The following CREB3L2 variants were observed in gnomAD, a reference collection of about 807,000 sequenced individuals.
The protein encoded by CREB3L2 is cyclic AMP-responsive element-binding protein 3-like protein 2.
In CREB3L2, 23 loss-of-function variants were observed where a neutral mutation model predicts 57.2. That is an observed-to-expected ratio of 0.40 (90% CI 0.29 to 0.57). The LOEUF is 0.57. Among genes scored for constraint, CREB3L2 ranks in the 20% least tolerant of loss-of-function variants. The pLI, the probability that CREB3L2 is intolerant of heterozygous loss-of-function variation, is 0.42. For synonymous variants in CREB3L2, 268 were observed against 265.1 expected (o/e 1.01, Z -0.11); for missense variants, 628 against 634.7 (o/e 0.99, Z 0.11).
At chr7:137,909,414 C>G (rs73729518) in intron 4 of CREB3L2, among the ~76,000 whole-genome samples, 12 of 152,148 alleles carry the variant, frequency 7.9e-5, no homozygotes, top group Non-Finnish European at 1.5e-4. Context: ...CAGGCTTCCA[C>G]GTGAATGAAA....
At chr7:137,904,481 C>A (rs1433199076) in intron 6 of CREB3L2, among the ~76,000 whole-genome samples, 1 of 152,170 alleles carries the variant, frequency 6.6e-6, no homozygotes, top group African/African-American at 2.4e-5. Context: ...GCCTGGGCAA[C>A]ATGGTAAAAC....
intron 1 of CREB3L2, among the ~76,000 whole-genome samples, chr7:137,930,441 C>A (rs1800591089): frequency 6.6e-6 from 1 of 152,218 alleles, no homozygotes; most frequent in South Asian, 2.1e-4. Flanking sequence ...CACCACCAAA[C>A]TGAAGTGTCA....
intron 8 of CREB3L2, among the ~76,000 whole-genome samples, chr7:137,899,096 A>AAG (rs1799690655): frequency 1.2e-5 from 1 of 83,776 alleles, no homozygotes; most frequent in Non-Finnish European, 2.2e-5. Context: ...AAAAGGAAAG[A>AAG]GAAGGAAGGA....
At chr7:137,987,428 G>A (rs1388755223) in intron 1 of CREB3L2, among the ~76,000 whole-genome samples, 14 of 152,150 alleles carry the variant, frequency 9.2e-5, no homozygotes, top group Admixed American at 7.2e-4. Flanking sequence ...TACAGTCTTC[G>A]GTGTTCAAGG....
In CREB3L2 at chr7:137,952,185, A is replaced by G. The variant is rs142446732; in HGVS notation, c.103-23819T>C. 8.5e-3 allele frequency among the ~76,000 whole-genome samples: 1,298 copies of G among 152,278 alleles called. 14 individuals are homozygous for G. Among genetic ancestry groups the G allele is most frequent in the African/African-American group, 0.028 (1,147 of 41,558 alleles). On this transcript the variant is annotated intron_variant, in intron 1 of 11. Coordinates refer to ENST00000330387, the MANE Select transcript of CREB3L2 (RefSeq NM_194071.4). Reference sequence around the variant, plus strand: ...CCTTATTGTCAAGTATATGACTAATACCCTGTTCAGCAGCCCTACAAAAAG... The same window carrying G: ...CCTTATTGTCAAGTATATGACTAATGCCCTGTTCAGCAGCCCTACAAAAAG...
intron 1 of CREB3L2, among the ~76,000 whole-genome samples, chr7:137,971,635 T>C (rs1801509477): frequency 6.6e-6 from 1 of 151,606 alleles, no homozygotes; most frequent in South Asian, 2.1e-4. Context: ...TAAATAACCT[T>C]ATCATAAGTT....
At chr7:137,961,975 T>C (rs1465931818) in intron 1 of CREB3L2, among the ~76,000 whole-genome samples, 1 of 152,076 alleles carries the variant, frequency 6.6e-6, no homozygotes, top group African/African-American at 2.4e-5. Context: ...CCCCTGTGTC[T>C]CCATGAACCC....
intron 1 of CREB3L2, among the ~76,000 whole-genome samples, chr7:137,976,625 T>A (rs887352773): frequency 6.6e-6 from 1 of 152,196 alleles, no homozygotes; most frequent in Non-Finnish European, 1.5e-5. Flanking sequence ...CCCACTTTAT[T>A]TTTTATGCAT....
rs1222340261 is a variant in CREB3L2, at chr7:137,915,943, A to G, written c.389T>C (p.Val130Ala). Residue 130 changes from valine to alanine, a missense_variant, in exon 3 of 12, where the codon GTT becomes GCT. By Grantham distance (64) the Val-to-Ala change is moderately conservative. This residue lies in a region of CREB3L2 where 339 missense variants were observed against 355.4 expected (regional missense o/e 0.95). Coordinates refer to ENST00000330387, the MANE Select transcript of CREB3L2 (RefSeq NM_194071.4). Reference protein sequence around the residue: ...FPSTSIKTEPVTDEPPPGLVP... With the variant: ...FPSTSIKTEPATDEPPPGLVP... ...GAGTCCTGGGGGTGGTTCGTCTGTA[A>G]CTGGCTCTGTCTTGATGGATGTTGA... is the stretch of plus-strand genomic sequence containing the variant. 2 of 1,613,998 alleles carry G rather than the reference A, an allele frequency of 1.2e-6. No homozygotes were observed. The highest frequency in any genetic ancestry group is 1.7e-6 in the Non-Finnish European group (2 of 1,179,994).
At chr7:137,983,967 C>T (rs997427909) in intron 1 of CREB3L2, among the ~76,000 whole-genome samples, 11 of 152,316 alleles carry the variant, frequency 7.2e-5, no homozygotes, top group Admixed American at 4.6e-4. Context: ...AGGAACTTCT[C>T]GGCCCACTCA....
intron 1 of CREB3L2, among the ~76,000 whole-genome samples, chr7:137,996,829 G>T (rs1801995150): frequency 6.6e-6 from 1 of 152,124 alleles, no homozygotes; most frequent in Admixed American, 6.5e-5. Flanking sequence ...CAAATAACTT[G>T]GCTTTATAGG....
At position 137,990,516 on chromosome 7, in the gene CREB3L2, AG is replaced by A. The variant is rs1801873957; in HGVS notation, c.102+11087del. ...AGAATGTTTATCCCCTGCCTAGAAC[AG>A]GCACATGCTTAGACAAGCAGCTTGT... On this transcript the variant is annotated intron_variant, in intron 1 of 11. Coordinates refer to ENST00000330387, the MANE Select transcript of CREB3L2 (RefSeq NM_194071.4). 3.3e-5 allele frequency among the ~76,000 whole-genome samples: 5 copies of A among 152,336 alleles called. No individual in the cohort carries two copies. In the South Asian group the frequency reaches 1.0e-3, roughly 32 times the overall value.
At chr7:137,931,271 C>G (rs557270314) in intron 1 of CREB3L2, among the ~76,000 whole-genome samples, 2 of 151,414 alleles carry the variant, frequency 1.3e-5, no homozygotes, top group African/African-American at 4.9e-5. Context: ...GCCTGTAATC[C>G]CAGCACTTTG....
rs181678672 is a variant in CREB3L2, at chr7:137,912,649, G to A, written c.583+342C>T. Among the ~76,000 whole-genome samples the A allele has an allele frequency of 6.6e-5, 10 of 152,170 alleles. No individual in the cohort carries two copies. In the South Asian group the frequency reaches 1.9e-3, roughly 28 times the overall value. ...GATGGTTGTTGATTTGTGGGGCTAC[G>A]TAGGGTTCACGCCTGGATGAATAAG... On this transcript the variant is annotated intron_variant, in intron 4 of 11. Transcript: ENST00000330387.
intron 1 of CREB3L2, among the ~76,000 whole-genome samples, chr7:137,928,640 A>G (rs1444876127): frequency 6.6e-6 from 1 of 152,182 alleles, no homozygotes; most frequent in Non-Finnish European, 1.5e-5. Flanking sequence ...ATTAGTGGGA[A>G]GGCTGGCTGG....
intron 1 of CREB3L2, among the ~76,000 whole-genome samples, chr7:137,991,841 G>C (rs530455213): frequency 6.6e-6 from 1 of 151,924 alleles, no homozygotes; most frequent in African/African-American, 2.4e-5. Flanking sequence ...CTGGGACATG[G>C]AGGTTGCAGT....
At chr7:137,919,449 G>A (rs922573515) in intron 2 of CREB3L2, among the ~76,000 whole-genome samples, 1 of 152,162 alleles carries the variant, frequency 6.6e-6, no homozygotes, top group East Asian at 1.9e-4. Context: ...TGGGATTACA[G>A]GTGTGAGCCA....
In CREB3L2 at chr7:137,980,467, G is replaced by C. The variant is rs913788873; in HGVS notation, c.102+21137C>G. On this transcript the variant is annotated intron_variant, in intron 1 of 11. Coordinates refer to ENST00000330387, the MANE Select transcript of CREB3L2 (RefSeq NM_194071.4). The surrounding 1 kb of genome is among the most constrained non-coding windows in gnomAD (Gnocchi z 4.3). ...TGGTCACCCAGGCTGAGTTATGCAA[G>C]TGACCACAGGCTCAGTTAAAAAGGT... Among the ~76,000 whole-genome samples, 2 of 152,222 alleles carry C rather than the reference G, an allele frequency of 1.3e-5. No homozygotes were observed. The highest frequency in any genetic ancestry group is 6.5e-5 in the Admixed American group (1 of 15,286).
chr7:137,973,065 T>C (rs1356557206), intron 1 of CREB3L2, among the ~76,000 whole-genome samples: 3 of 151,124 alleles, frequency 2.0e-5, no homozygotes, highest in Non-Finnish European at 2.9e-5. Flanking sequence ...ACATGAGAAA[T>C]TGAAGAAATA....
Sources: gnomAD v4.1 joint callset for allele counts (sites outside exome capture counted in the v4.1 genomes callset) on GRCh38, gnomAD v4.1.1 for gene constraint, gnomAD v4.1.1 regional missense constraint, Gnocchi (gnomAD v3.1) non-coding constraint, MANE v1.5 for transcripts, NCBI Gene and HGNC (gene_info 2026-07-23, HGNC 2026-07-21) for gene names.